Variants in FOXP1 observed in about 807,000 individuals in gnomAD.
FOXP1 encodes the protein forkhead box P1.
FOXP1 carries 15 observed loss-of-function variants against 98.2 expected under a neutral mutation model. The ratio of observed to expected loss-of-function variants is 0.15; its 90% CI spans 0.10 to 0.24. The LOEUF (loss-of-function observed/expected upper bound fraction) is 0.24. Ranked by LOEUF, FOXP1 falls within the 10% of genes least tolerant of loss-of-function variation. The probability of loss-of-function intolerance (pLI) is 1.00; values close to 1 mark genes in which losing one functional copy is unlikely to be tolerated. For missense variants in FOXP1, 633 were observed against 848.5 expected, an observed-to-expected ratio of 0.75 and a Z score of 3.15; for synonymous variants, 371 against 314.5, an observed-to-expected ratio of 1.18 and a Z score of -1.90.
chr3:70,980,708 ACAAT>A (rs879672978), intron 14 of FOXP1, among the ~76,000 whole-genome samples: 3 of 152,230 alleles, frequency 2.0e-5, no homozygotes, highest in Non-Finnish European at 2.9e-5. Context: ...CTTATGCATG[ACAAT>A]CAACACGTGT....
At chr3:71,053,422 C>A (rs2050179226) in intron 8 of FOXP1, among the ~76,000 whole-genome samples, 1 of 152,128 alleles carries the variant, frequency 6.6e-6, no homozygotes, top group Admixed American at 6.5e-5. Flanking sequence ...ACTCTCCAGG[C>A]CCAAACACTA....
intron 2 of FOXP1, among the ~76,000 whole-genome samples, chr3:71,548,630 C>T (rs534068251): frequency 2.6e-4 from 39 of 152,234 alleles, no homozygotes; most frequent in African/African-American, 8.9e-4. Context: ...AACTCCTGAG[C>T]TCAGACACTC....
chr3:70,966,282 C>T, intron 19 of FOXP1: 1 of 564,614 alleles, frequency 1.8e-6, no homozygotes, highest in Non-Finnish European at 3.2e-6. Context: ...GACCAAGTGC[C>T]TGTGGGTAGG....
chr3:71,036,420 C>G (rs2047599404), intron 11 of FOXP1, among the ~76,000 whole-genome samples: 2 of 152,082 alleles, frequency 1.3e-5, no homozygotes, highest in South Asian at 4.2e-4. Context: ...CATCTTTGAC[C>G]AAATGCTTAA....
intron 3 of FOXP1, among the ~76,000 whole-genome samples, chr3:71,473,443 C>A (rs996426628): frequency 2.6e-5 from 4 of 152,076 alleles, no homozygotes; most frequent in African/African-American, 4.8e-5. Flanking sequence ...AGAAGTGGCT[C>A]CCCTCATGTC....
intron 5 of FOXP1, among the ~76,000 whole-genome samples, chr3:71,281,730 G>C (rs770685582): frequency 3.9e-5 from 6 of 152,118 alleles, no homozygotes; most frequent in Admixed American, 6.6e-5. Context: ...TGAAAAGCTC[G>C]TGAGCCCAGG....
intron 5 of FOXP1, among the ~76,000 whole-genome samples, chr3:71,296,987 T>C (rs1014803179): frequency 1.9e-4 from 29 of 152,350 alleles, no homozygotes; most frequent in African/African-American, 7.0e-4. Context: ...CACATGTTTC[T>C]TGTACAGTCT....
chr3:71,226,548 TTCTC>T (rs10701218), intron 5 of FOXP1, among the ~76,000 whole-genome samples: 86 of 146,256 alleles, frequency 5.9e-4, no homozygotes, highest in Non-Finnish European at 9.0e-4. Context: ...CTTCCCGGGG[TTCTC>T]TCTCTCTCTC....
chr3:70,968,754 CTAT>C (rs2035527229), intron 19 of FOXP1: 2 of 152,100 alleles, frequency 1.3e-5, no homozygotes, highest in Non-Finnish European at 2.9e-5. Context: ...TATTGTTCCA[CTAT>C]TATTTTTACT....
intron 5 of FOXP1, among the ~76,000 whole-genome samples, chr3:71,236,842 C>G (rs1022149737): frequency 1.3e-5 from 2 of 150,906 alleles, no homozygotes; most frequent in Non-Finnish European, 2.9e-5. Flanking sequence ...CACTGCACTC[C>G]AGCCTGAGTG....
At chr3:71,527,604 G>A (rs980165520) in intron 2 of FOXP1, among the ~76,000 whole-genome samples, 6 of 152,186 alleles carry the variant, frequency 3.9e-5, no homozygotes, top group Non-Finnish European at 7.3e-5. Flanking sequence ...TACCATCCAT[G>A]ACTAAAAGGA....
At chr3:71,242,711 T>C (rs993094204) in intron 5 of FOXP1, among the ~76,000 whole-genome samples, 1 of 150,250 alleles carries the variant, frequency 6.7e-6, no homozygotes, top group African/African-American at 2.5e-5. Flanking sequence ...ACTGTGAGGG[T>C]ACATCGCTGT....
chr3:71,366,809 TG>T (rs1423831592), intron 3 of FOXP1, among the ~76,000 whole-genome samples: 4 of 152,224 alleles, frequency 2.6e-5, no homozygotes, highest in Non-Finnish European at 4.4e-5. Flanking sequence ...TTAAAGCAAC[TG>T]AATAGACCAC....
intron 2 of FOXP1, among the ~76,000 whole-genome samples, chr3:71,506,539 T>C (rs1259937591): frequency 4.6e-5 from 7 of 152,188 alleles, no homozygotes; most frequent in African/African-American, 1.7e-4. Context: ...TTCCACGGTA[T>C]CCTTCCCCCA....
chr3:71,319,020 C>A (rs1560298541), intron 4 of FOXP1, among the ~76,000 whole-genome samples: 1 of 152,190 alleles, frequency 6.6e-6, no homozygotes. Flanking sequence ...CCAAAGAGGG[C>A]AGAAACATTT....
chr3:71,083,725 C>T (rs2054710034), intron 7 of FOXP1, among the ~76,000 whole-genome samples: 1 of 152,172 alleles, frequency 6.6e-6, no homozygotes, highest in Admixed American at 6.5e-5. Flanking sequence ...TTGGAACAGA[C>T]CCTTCCTGAT....
At chr3:71,583,934 C>T (rs893279242), upstream of FOXP1, 1 of 984,600 alleles carries the variant, frequency 1.0e-6, no homozygotes, top group Non-Finnish European at 1.2e-6. Flanking sequence ...CAGCGGCCCC[C>T]CGAGCGGGAG....
At chr3:71,064,910 G>A in intron 7 of FOXP1, 1 of 649,586 alleles carries the variant, frequency 1.5e-6, no homozygotes, top group Non-Finnish European at 1.9e-6. Flanking sequence ...CGGCCTCGGC[G>A]TGCAGGCGGA....
chr3:71,366,432 T>C (rs867729122), intron 3 of FOXP1, among the ~76,000 whole-genome samples: 2 of 152,158 alleles, frequency 1.3e-5, no homozygotes, highest in Non-Finnish European at 2.9e-5. Flanking sequence ...ATAAGCAAGA[T>C]AGGAAAATTG....
Sources: allele counts gnomAD v4.1 joint callset (sites outside exome capture counted in the v4.1 genomes callset), GRCh38; gene constraint gnomAD v4.1.1; transcripts MANE v1.5; gene names NCBI Gene and HGNC (gene_info 2026-07-23, HGNC 2026-07-21).